Variants in CUL2 observed in about 807,000 individuals in gnomAD.
CUL2 encodes the protein cullin-2.
A neutral mutation model predicts 110.2 loss-of-function variants in CUL2; 22 were observed. The ratio of observed to expected loss-of-function variants is 0.20; its 90% CI spans 0.14 to 0.28. CUL2 has a LOEUF of 0.28. Ranked by LOEUF, CUL2 falls within the 10% of genes least tolerant of loss-of-function variation. The pLI, the probability that CUL2 is intolerant of heterozygous loss-of-function variation, is 1.00. For missense variants in CUL2, 631 were observed against 905.5 expected, an observed-to-expected ratio of 0.70 and a Z score of 3.89; for synonymous variants, 279 against 293.2, an observed-to-expected ratio of 0.95 and a Z score of 0.49.
chr10:35,050,782 CTG>C (rs2086082803), intron 5 of CUL2, among the ~76,000 whole-genome samples: 1 of 152,234 alleles, frequency 6.6e-6, no homozygotes, highest in Non-Finnish European at 1.5e-5. Context: ...GGAAACAATG[CTG>C]TGATTCCTGT....
At chr10:35,050,287 C>CTCCA (rs1322105358) in intron 5 of CUL2, among the ~76,000 whole-genome samples, 1 of 150,694 alleles carries the variant, frequency 6.6e-6, no homozygotes, top group Non-Finnish European at 1.5e-5. Context: ...TGCCACTGCA[C>CTCCA]TCCAGCCTGG....
At chr10:35,074,356 C>G in intron 1 of CUL2, 1 of 694,068 alleles carries the variant, frequency 1.4e-6, no homozygotes, top group South Asian at 1.6e-5. Context: ...CTTCTCTCTG[C>G]TTAGAGATCA....
chr10:35,114,224 G>A (rs978979181), intron 1 of CUL2, among the ~76,000 whole-genome samples: 25 of 148,632 alleles, frequency 1.7e-4, no homozygotes, highest in African/African-American at 5.4e-4. Context: ...ACCTGGCCCC[G>A]TATTTTTTCT....
rs148184793 is a variant in CUL2 at position 35,069,153 on chromosome 10, C to A, written c.119+2046G>T. Among the ~76,000 whole-genome samples, 190 of 152,224 alleles carry A rather than the reference C, an allele frequency of 1.2e-3. 1 individual carries two copies. The highest frequency in any genetic ancestry group is 2.3e-3 in the Non-Finnish European group (158 of 68,022). ...AACTGCTTGAATTGTAGGCGTGAGA[C>A]AACGTGCCCGGCCTGTACTCTTTAA... On this transcript the variant is annotated intron_variant, in intron 2 of 20. Transcript: ENST00000374749.
intron 1 of CUL2, among the ~76,000 whole-genome samples, chr10:35,111,260 T>A (rs868632753): frequency 6.6e-6 from 1 of 152,198 alleles, no homozygotes; most frequent in Middle Eastern, 3.4e-3. Flanking sequence ...GAGAAGATTT[T>A]TTTTTTTTTT....
At chr10:35,107,409 C>G (rs1457214700) in intron 1 of CUL2, among the ~76,000 whole-genome samples, 1 of 152,068 alleles carries the variant, frequency 6.6e-6, no homozygotes, top group Non-Finnish European at 1.5e-5. Context: ...TCATAATTGT[C>G]AATAAACAAA....
At chr10:35,054,607 T>C (rs1451144078) in intron 4 of CUL2, 68 bp from the exon 5 acceptor site, 35 of 750,684 alleles carry the variant, frequency 4.7e-5, no homozygotes, top group Non-Finnish European at 1.1e-5. Context: ...GACTTGCAAC[T>C]TTAGAAGAAT....
intron 2 of CUL2, among the ~76,000 whole-genome samples, chr10:35,067,607 C>T (rs924486517): frequency 3.3e-5 from 5 of 151,890 alleles, no homozygotes; most frequent in African/African-American, 9.7e-5. Flanking sequence ...AAAAATTAGC[C>T]AGGTCATGCA....
At chr10:35,094,896 A>G (rs2087272671), upstream of CUL2, among the ~76,000 whole-genome samples, 1 of 152,202 alleles carries the variant, frequency 6.6e-6, no homozygotes, top group Admixed American at 6.5e-5. Flanking sequence ...TCCCCAAACA[A>G]ACCTCAAATC....
chr10:35,032,902 C>T (rs554505768), intron 11 of CUL2, among the ~76,000 whole-genome samples: 10 of 152,088 alleles, frequency 6.6e-5, no homozygotes, highest in African/African-American at 2.4e-4. Flanking sequence ...CTAAAAATTG[C>T]AAAATTATGC....
chr10:35,120,438 A>G (rs1015694648), intron 1 of CUL2: 2 of 152,172 alleles, frequency 1.3e-5, no homozygotes, highest in African/African-American at 2.4e-5. Context: ...TGGGTTTTCT[A>G]GTCTCTGTTA....
chr10:35,044,433 T>G (rs1314021939), intron 8 of CUL2, 133 bp downstream of exon 8: 2 of 568,416 alleles, frequency 3.5e-6, no homozygotes, highest in Non-Finnish European at 3.0e-6. Flanking sequence ...AACTCAGAGT[T>G]AATGATTAAA....
chr10:35,022,418 T>C (rs2134673361), intron 17 of CUL2, among the ~76,000 whole-genome samples: 1 of 152,288 alleles, frequency 6.6e-6, no homozygotes, highest in South Asian at 2.1e-4. Flanking sequence ...GAGCTGGGAA[T>C]GTAGAAATAG....
At chr10:35,049,995 G>A (rs1004899884) in intron 5 of CUL2, among the ~76,000 whole-genome samples, 3 of 152,082 alleles carry the variant, frequency 2.0e-5, no homozygotes, top group Admixed American at 6.6e-5. Flanking sequence ...TTTATTATTA[G>A]TTGAAAATCT....
intron 17 of CUL2, 117 bp from the exon 18 acceptor site, chr10:35,016,511 T>A: frequency 1.3e-6 from 1 of 782,204 alleles, no homozygotes; most frequent in Non-Finnish European, 2.0e-6. Context: ...TAAATTGTTG[T>A]AAAGCCACTG....
intron 1 of CUL2, among the ~76,000 whole-genome samples, chr10:35,075,994 G>C (rs1221701043): frequency 2.6e-5 from 4 of 152,110 alleles, no homozygotes; most frequent in African/African-American, 4.8e-5. Context: ...GTTCACTGTA[G>C]TATTATTCAT....
intron 14 of CUL2, among the ~76,000 whole-genome samples, chr10:35,029,906 A>C (rs1468483818): frequency 6.6e-6 from 1 of 152,220 alleles, no homozygotes; most frequent in Non-Finnish European, 1.5e-5. Context: ...AAACTTTTTT[A>C]TACATTCATC....
chr10:35,050,396 C>A (rs4934709), intron 5 of CUL2, among the ~76,000 whole-genome samples: 50,745 of 151,660 alleles, frequency 0.33, 8,554 homozygotes, highest in South Asian at 0.35. Context: ...GATACCTAGA[C>A]CGTAACAGAA....
Position 35,010,392 on chromosome 10 carries a change from C to T in CUL2, c.2157G>A (p.Lys719=), listed in dbSNP as rs2084870022. The change falls in exon 21 of 21, where the codon AAG becomes AAA. Residue 719 remains lysine, a synonymous_variant. Coordinates refer to ENST00000374749, the MANE Select transcript of CUL2 (RefSeq NM_003591.4). ...ARFNPSISMI[K]KCIEVLIDKQ... ...TGTCTATCAGAACTTCAATACACTT[C>T]TTAATCATGCTGATACTGGGATTAA... 1.2e-6 allele frequency: 2 copies of T among 1,613,038 alleles called. No homozygotes were observed. The highest frequency in any genetic ancestry group is 1.3e-5 in the African/African-American group (1 of 74,842).
Sources: gnomAD v4.1 joint callset for allele counts (sites outside exome capture counted in the v4.1 genomes callset) on GRCh38, gnomAD v4.1.1 for gene constraint, MANE v1.5 for transcripts, NCBI Gene and HGNC (gene_info 2026-07-23, HGNC 2026-07-21) for gene names.